CD164: variants seen among roughly 807,000 people sequenced by gnomAD.
CD164 encodes the protein CD164 molecule.
In CD164, 11 loss-of-function variants were observed where a neutral mutation model predicts 24.6. The ratio of observed to expected loss-of-function variants is 0.45; its 90% CI spans 0.28 to 0.74. The LOEUF is 0.74. Among genes scored for constraint, CD164 ranks in the 30% least tolerant of loss-of-function variants. The pLI is 0.13. For missense variants in CD164, 295 were observed against 243.7 expected, an observed-to-expected ratio of 1.21 and a Z score of -1.40; for synonymous variants, 126 against 100.3, an observed-to-expected ratio of 1.26 and a Z score of -1.53.
At position 109,381,959 on chromosome 6, in the gene CD164, G is replaced by A. The variant is rs554480599; in HGVS notation, c.175+245C>T. 2.2e-4 allele frequency: 84 copies of A among 379,500 alleles called. 3 individuals carry two copies. In the South Asian group the frequency reaches 5.7e-3, roughly 26 times the overall value. The allele number at this position is 379,500 out of a possible 1,614,324, so 23.5% of individuals were successfully genotyped here. Reference sequence around the variant, plus strand: ...AAGGCACCTCGACTTGCAACACTTCGAGGGGGGCCCCAGCCCCGCAGCCAC... The same window carrying A: ...AAGGCACCTCGACTTGCAACACTTCAAGGGGGGCCCCAGCCCCGCAGCCAC... On this transcript the variant is annotated intron_variant, in intron 1 of 5. Coordinates refer to ENST00000310786, the MANE Select transcript of CD164 (RefSeq NM_006016.6).
chr6:109,376,202 T>C (rs1407974842), intron 3 of CD164, 90 bp from the exon 4 acceptor site: 2 of 848,616 alleles, frequency 2.4e-6, no homozygotes, highest in Non-Finnish European at 3.4e-6. Context: ...CTGCAATCAT[T>C]TGAGTACTTT....
chr6:109,369,117 C>G, intron 5 of CD164, 100 bp from the exon 6 acceptor site: 1 of 999,168 alleles, frequency 1.0e-6, no homozygotes, highest in Non-Finnish European at 1.5e-6. Flanking sequence ...GTGTTAAATT[C>G]TATAAAGTAT....
At chr6:109,378,887 T>C (rs1172788920) in intron 2 of CD164, among the ~76,000 whole-genome samples, 1 of 133,766 alleles carries the variant, frequency 7.5e-6, no homozygotes, top group Non-Finnish European at 1.7e-5. Flanking sequence ...TTGTTTTTAC[T>C]TAAAAAAAAA....
At chr6:109,377,310 T>C (rs1334853676) in intron 3 of CD164, among the ~76,000 whole-genome samples, 1 of 152,200 alleles carries the variant, frequency 6.6e-6, no homozygotes, top group African/African-American at 2.4e-5. Flanking sequence ...AAAAATCTTT[T>C]TCCTATTCAA....
At chr6:109,369,995 C>T (rs1333376967) in intron 5 of CD164, among the ~76,000 whole-genome samples, 1 of 152,150 alleles carries the variant, frequency 6.6e-6, no homozygotes, top group African/African-American at 2.4e-5. Context: ...GTGAGGTGCA[C>T]ATCTGGTAGT....
chr6:109,379,243 G>A lies in CD164; in HGVS notation c.259+336C>T, dbSNP rs567356595. On this transcript the variant is annotated intron_variant, in intron 2 of 5. Coordinates refer to ENST00000310786, the MANE Select transcript of CD164 (RefSeq NM_006016.6). ...TAAAAAAAGCCAGGTGAGGAAGCAC[G>A]CATCTGTAGTCTTGGCTACTAGGGA... 2.6e-4 allele frequency among the ~76,000 whole-genome samples: 40 copies of A among 152,284 alleles called. 1 individual carries two copies. Among genetic ancestry groups the A allele is most frequent in the African/African-American group, 9.1e-4 (38 of 41,558 alleles).
chr6:109,378,081 G>A (rs1463091140), intron 2 of CD164, 110 bp from the exon 3 acceptor site: 2 of 864,934 alleles, frequency 2.3e-6, no homozygotes, highest in East Asian at 2.6e-5. Context: ...TTAGAAGTGG[G>A]CAGGGGGAAC....
At position 109,368,401 on chromosome 6, in the gene CD164, AAATT is replaced by A. The variant is rs1770888745; in HGVS notation, c.*446_*449del. ...TACCATTTAGTACTACTAAATTAATAAATTTATTCCACTTTTGAAATGACAGCCA... is the reference window on the plus strand; with the variant it reads ...TACCATTTAGTACTACTAAATTAATATATTCCACTTTTGAAATGACAGCCA... On this transcript the variant is annotated 3_prime_UTR_variant, in exon 6 of 6. Coordinates refer to ENST00000310786, the MANE Select transcript of CD164 (RefSeq NM_006016.6). 6.9e-7 allele frequency: 1 copy of A among 1,450,760 alleles called. No individual in the cohort carries two copies. The highest frequency in any genetic ancestry group is 2.6e-5 in the East Asian group (1 of 38,148). The allele number at this position is 1,450,760 out of a possible 1,614,324, so 89.9% of individuals were successfully genotyped here. A position where few individuals can be genotyped will look rare whatever the true frequency, so the allele number is the denominator to read the frequency against.
At chr6:109,377,864 G>A (rs1771502467) in intron 3 of CD164, 36 bp downstream of exon 3, 1 of 1,510,592 alleles carries the variant, frequency 6.6e-7, no homozygotes, top group African/African-American at 1.4e-5. Context: ...TCACCTCTCT[G>A]CGGTCAGCTT....
At chr6:109,369,291 T>C (rs766624857) in intron 5 of CD164, among the ~76,000 whole-genome samples, 5 of 152,204 alleles carry the variant, frequency 3.3e-5, no homozygotes, top group Non-Finnish European at 5.9e-5. Flanking sequence ...GCCCTGGGAA[T>C]GTATCAAACA....
In CD164 at chr6:109,370,312, A is replaced by G; in HGVS notation, c.427+99T>C. 3 of 927,156 alleles carry G rather than the reference A, an allele frequency of 3.2e-6. No homozygotes were observed. In the South Asian group the frequency reaches 4.3e-5, roughly 13 times the overall value. 57.4% of individuals were successfully genotyped at this position (927,156 alleles called of 1,614,324 possible). ...GTAAGAGAAGAATTTCAGTTCCATA[A>G]CCATTAACGAAGAAAGCTGGAAAAT... On this transcript the variant is annotated intron_variant, in intron 5 of 5. Coordinates refer to ENST00000310786, the MANE Select transcript of CD164 (RefSeq NM_006016.6).
At chr6:109,374,101 A>G (rs918511719) in intron 4 of CD164, among the ~76,000 whole-genome samples, 4 of 151,606 alleles carry the variant, frequency 2.6e-5, no homozygotes, top group Admixed American at 6.6e-5. Flanking sequence ...CCCCATCCCT[A>G]TTTCCTCCCG....
In CD164 at chr6:109,382,295, G is replaced by A. The variant is rs766989841; in HGVS notation, c.84C>T (p.Thr28=). The A allele has an allele frequency of 1.9e-6, 3 of 1,585,156 alleles. No homozygotes were observed. Among genetic ancestry groups the A allele is most frequent in the East Asian group, 4.6e-5 (2 of 43,516 alleles). ...CTAAAGTCGTCACGTTCGGGTGCTG[G>A]GTCGTGTTCTTGTCCGCGGACAGCA... is the stretch of plus-strand genomic sequence containing the variant. The part of the protein sequence containing the change: ...LCVLSADKNT[T]QHPNVTTLAP... Residue 28 remains threonine, a synonymous_variant, in exon 1 of 6, where the codon ACC becomes ACT. Coordinates refer to ENST00000310786, the MANE Select transcript of CD164 (RefSeq NM_006016.6).
At chr6:109,380,059 T>C (rs1449858788) in intron 1 of CD164, 1 of 153,336 alleles carries the variant, frequency 6.5e-6, no homozygotes, top group Non-Finnish European at 1.4e-5. Flanking sequence ...CCCCCAAACA[T>C]CAGATAAAAC....
chr6:109,376,154 T>C, intron 3 of CD164, 42 bp from the exon 4 acceptor site: 1 of 1,405,838 alleles, frequency 7.1e-7, no homozygotes, highest in African/African-American at 1.5e-5. Flanking sequence ...ACATCAAAGC[T>C]ATTTAAAATA....
intron 2 of CD164, 100 bp downstream of exon 2, chr6:109,379,479 C>T: frequency 3.5e-6 from 3 of 863,436 alleles, no homozygotes; most frequent in Non-Finnish European, 5.5e-6. Flanking sequence ...ATAAATAGTG[C>T]ACAATATCCT....
rs1211868237 is a variant in CD164 at position 109,366,548 on chromosome 6, A to G, written c.*2303T>C. On this transcript the variant is annotated 3_prime_UTR_variant, in exon 6 of 6. Transcript: ENST00000310786. ...TAAACATGTAGATTTATTTTAAGTC[A>G]GTTTGGTACATGATACAGATTGGTT... The G allele has an allele frequency of 6.6e-6, 1 of 152,560 alleles. No homozygotes were observed. The allele number at this position is 152,560 out of a possible 1,614,324, so 9.5% of individuals were successfully genotyped here. A position where few individuals can be genotyped will look rare whatever the true frequency, so the allele number is the denominator to read the frequency against.
intron 1 of CD164, chr6:109,379,964 G>T (rs1354136050): frequency 4.5e-6 from 1 of 223,104 alleles, no homozygotes; most frequent in Non-Finnish European, 8.8e-6. Context: ...TAAGGATTTA[G>T]GCATTTCAAA....
At position 109,368,521 on chromosome 6, in the gene CD164, GAT is replaced by G. The variant is rs1483633083; in HGVS notation, c.*328_*329del. The G allele has an allele frequency of 7.9e-5, 107 of 1,359,900 alleles. No individual in the cohort carries two copies. Among genetic ancestry groups the G allele is most frequent in the Non-Finnish European group, 8.3e-5 (88 of 1,062,268 alleles). The allele number at this position is 1,359,900 out of a possible 1,614,324, so 84.2% of individuals were successfully genotyped here. On this transcript the variant is annotated 3_prime_UTR_variant, in exon 6 of 6. Transcript: ENST00000310786. ...CTAAATTTAAACTGCCAAGAGCCAT[GAT>G]GTTGTCTGCACAAGACAACATTTTC... is the stretch of plus-strand genomic sequence containing the variant.
Sources: gnomAD v4.1 joint callset for allele counts (sites outside exome capture counted in the v4.1 genomes callset) on GRCh38, gnomAD v4.1.1 for gene constraint, MANE v1.5 for transcripts, NCBI Gene and HGNC (gene_info 2026-07-23, HGNC 2026-07-21) for gene names.